Variants in LIMS1 observed in about 807,000 individuals in gnomAD.
The protein encoded by LIMS1 is LIM zinc finger domain containing 1, also known as LIM and senescent cell antigen-like-containing domain protein 1.
LIMS1 carries 18 observed loss-of-function variants against 44.1 expected under a neutral mutation model. The ratio of observed to expected loss-of-function variants is 0.41; its 90% CI spans 0.28 to 0.61. LIMS1 has a LOEUF of 0.61. Ranked by LOEUF, LIMS1 falls within the 20% of genes least tolerant of loss-of-function variation. The pLI is 0.32. For synonymous variants in LIMS1, 93 were observed against 149.1 expected, an observed-to-expected ratio of 0.62 and a Z score of 2.74; for missense variants, 201 against 422.0, an observed-to-expected ratio of 0.48 and a Z score of 4.59.
intron 1 of LIMS1, among the ~76,000 whole-genome samples, chr2:108,654,288 A>G (rs1468627641): frequency 6.6e-6 from 1 of 152,038 alleles, no homozygotes; most frequent in Non-Finnish European, 1.5e-5. Context: ...TTCCTTAGTC[A>G]TGATAGAGAC....
exon 10 of LIMS1, chr2:108,687,151 A>G (rs1195684598): frequency 6.6e-6 from 1 of 152,206 alleles, no homozygotes; most frequent in African/African-American, 2.4e-5. Flanking sequence ...TGTAAGCTCA[A>G]TGGCAGGGAT....
At chr2:108,650,819 A>G (rs1690428792) in intron 1 of LIMS1, among the ~76,000 whole-genome samples, 1 of 152,154 alleles carries the variant, frequency 6.6e-6, no homozygotes. Context: ...CAAACTATGT[A>G]CTGTATAGTC....
chr2:108,675,705 A>T (rs370709443), intron 5 of LIMS1, among the ~76,000 whole-genome samples, 173 bp from the exon 6 acceptor site: 11 of 152,282 alleles, frequency 7.2e-5, no homozygotes, highest in African/African-American at 2.6e-4. Flanking sequence ...GGAGTCTGAA[A>T]CCTGTTCAGG....
chr2:108,633,446 A>G (rs1689042615), intron 1 of LIMS1, among the ~76,000 whole-genome samples: 1 of 152,250 alleles, frequency 6.6e-6, no homozygotes, highest in African/African-American at 2.4e-5. Context: ...TAGTCCAAAT[A>G]GTCACCATAT....
intron 1 of LIMS1, among the ~76,000 whole-genome samples, chr2:108,543,448 C>G (rs923120901): frequency 2.0e-5 from 3 of 152,140 alleles, no homozygotes; most frequent in African/African-American, 7.2e-5. Context: ...AGAAACCTAC[C>G]AAGAGTTTTG....
intron 1 of LIMS1, among the ~76,000 whole-genome samples, chr2:108,550,794 C>T (rs776922940): frequency 2.2e-4 from 32 of 148,428 alleles, no homozygotes; most frequent in East Asian, 5.9e-4. Flanking sequence ...CCAGCCTGGG[C>T]GGCAGAGAGA....
Position 108,675,883 on chromosome 2 carries a change from AG to A in LIMS1, c.537del (p.Glu179AspfsTer2). 1 of 1,613,930 alleles carries A rather than the reference AG, an allele frequency of 6.2e-7. No homozygotes were observed. The highest frequency in any genetic ancestry group is 8.5e-7 in the Non-Finnish European group (1 of 1,179,854). Reference sequence around the variant, plus strand: ...TGTGTCTTTCTCACGGACAGGAAGGAGCTGACTGCCGATGCACGGGAGCTGA... The same window carrying A: ...TGTGTCTTTCTCACGGACAGGAAGGACTGACTGCCGATGCACGGGAGCTGA... On this transcript the variant is annotated frameshift_variant, in exon 6 of 10. Coordinates refer to ENST00000544547, the Ensembl canonical transcript of LIMS1. LOFTEE classifies it high-confidence loss of function.
At chr2:108,567,782 G>A (rs1685346013) in intron 1 of LIMS1, among the ~76,000 whole-genome samples, 2 of 152,116 alleles carry the variant, frequency 1.3e-5, no homozygotes, top group African/African-American at 4.8e-5. Context: ...ATGCCGTTCA[G>A]GCTGGTTTTG....
chr2:108,643,522 A>G (rs917673845), intron 1 of LIMS1, among the ~76,000 whole-genome samples: 5 of 151,870 alleles, frequency 3.3e-5, no homozygotes, highest in Non-Finnish European at 5.9e-5. Context: ...TGAAGCCTAC[A>G]CCACCAGGGC....
intron 1 of LIMS1, among the ~76,000 whole-genome samples, chr2:108,568,227 A>G (rs1323421052): frequency 2.6e-5 from 4 of 152,212 alleles, no homozygotes; most frequent in Non-Finnish European, 5.9e-5. Context: ...CTGAGAACCA[A>G]TTGTTAATAT....
intron 9 of LIMS1, chr2:108,681,764 A>G (rs375148771): frequency 1.5e-5 from 3 of 201,784 alleles, no homozygotes; most frequent in Non-Finnish European, 2.6e-5. Flanking sequence ...GTCAAAAAAA[A>G]AAAACAAATT....
intron 1 of LIMS1, among the ~76,000 whole-genome samples, chr2:108,577,115 T>C (rs979887936): frequency 6.6e-6 from 1 of 152,244 alleles, no homozygotes; most frequent in African/African-American, 2.4e-5. Flanking sequence ...GACCTTTTCT[T>C]GTGTCTCCCT....
intron 2 of LIMS1, among the ~76,000 whole-genome samples, chr2:108,665,263 A>G (rs1329189429): frequency 6.6e-6 from 1 of 152,200 alleles, no homozygotes; most frequent in African/African-American, 2.4e-5. Context: ...TCTAGTCTAT[A>G]TGGTATGGCC....
In LIMS1 at chr2:108,580,233, C is replaced by CT. The variant is rs1387837916; in HGVS notation, c.32+45640dup. Among the ~76,000 whole-genome samples, 45 of 152,282 alleles carry CT rather than the reference C, an allele frequency of 3.0e-4. 1 individual carries two copies. Among genetic ancestry groups the CT allele is most frequent in the African/African-American group, 1.1e-3 (44 of 41,552 alleles). ...TGGGATGTCTCTATAGAGCAGTGCT[C>CT]TGAGTTGACTTCCTCTAACTGCAGG... On this transcript the variant is annotated intron_variant, in intron 1 of 9. Coordinates refer to ENST00000544547, the Ensembl canonical transcript of LIMS1.
At chr2:108,667,552 A>T (rs1048725468) in intron 2 of LIMS1, among the ~76,000 whole-genome samples, 6 of 64,740 alleles carry the variant, frequency 9.3e-5, no homozygotes, top group African/African-American at 5.1e-4. Context: ...AAAAAAAAAA[A>T]TATATATATA....
chr2:108,629,001 G>T (rs1346380384), intron 1 of LIMS1, among the ~76,000 whole-genome samples: 1 of 152,216 alleles, frequency 6.6e-6, no homozygotes, highest in African/African-American at 2.4e-5. Flanking sequence ...AGTAGGTTTG[G>T]TGTCCATCAT....
intron 1 of LIMS1, among the ~76,000 whole-genome samples, chr2:108,563,383 A>G (rs1239026323): frequency 6.6e-6 from 1 of 152,232 alleles, no homozygotes; most frequent in Non-Finnish European, 1.5e-5. Context: ...CTTGCCATTA[A>G]GAACATTCAT....
intron 1 of LIMS1, among the ~76,000 whole-genome samples, chr2:108,560,876 A>C (rs933734923): frequency 3.3e-5 from 5 of 152,136 alleles, no homozygotes; most frequent in African/African-American, 1.2e-4. Flanking sequence ...TTTCTGCCTG[A>C]AGTATACTTT....
At chr2:108,569,779 T>G (rs1040404786) in intron 1 of LIMS1, among the ~76,000 whole-genome samples, 3 of 147,258 alleles carry the variant, frequency 2.0e-5, no homozygotes, top group Non-Finnish European at 4.5e-5. Context: ...TTTTTTTTTT[T>G]TTTTAGTGAT....
Sources: allele counts gnomAD v4.1 joint callset (sites outside exome capture counted in the v4.1 genomes callset), GRCh38; gene constraint gnomAD v4.1.1; transcripts MANE v1.5; gene names NCBI Gene and HGNC (gene_info 2026-07-23, HGNC 2026-07-21).